MAP4K1: variants seen among roughly 807,000 people sequenced by gnomAD.
The protein encoded by MAP4K1 is mitogen-activated protein kinase kinase kinase kinase 1.
A neutral mutation model predicts 122.8 loss-of-function variants in MAP4K1; 35 were observed. That is an observed-to-expected ratio of 0.29 (90% CI 0.22 to 0.38). The LOEUF (loss-of-function observed/expected upper bound fraction) is 0.38, where lower values mean the gene tolerates loss of function less well. Among genes scored for constraint, MAP4K1 ranks in the 10% least tolerant of loss-of-function variants. MAP4K1 has a pLI of 1.00. For missense variants in MAP4K1, 791 were observed against 1,072.6 expected (o/e 0.74, Z 3.67); for synonymous variants, 412 against 421.3 (o/e 0.98, Z 0.27).
chr19:38,595,847 CA>C (rs774858347), intron 27 of MAP4K1, 91 bp downstream of exon 27: 352 of 1,526,698 alleles, frequency 2.3e-4, no homozygotes, highest in Non-Finnish European at 3.1e-4. Flanking sequence ...CAGAGGGGCT[CA>C]GGGGGTTCTG....
At chr19:38,589,829 A>G (rs1294237141) in intron 30 of MAP4K1, among the ~76,000 whole-genome samples, 1 of 152,170 alleles carries the variant, frequency 6.6e-6, no homozygotes, top group African/African-American at 2.4e-5. Context: ...CAGGAGTTCC[A>G]GACCAGGCTA....
At position 38,614,514 on chromosome 19, in the gene MAP4K1, C is replaced by T. The variant is rs1449109483; in HGVS notation, c.314-69G>A. The T allele has an allele frequency of 8.5e-6, 13 of 1,534,636 alleles. No homozygotes were observed. The Admixed American group carries it at 2.0e-4, about 24-fold the overall frequency. ...AGGGAACCTGGGCTGGGGAGTCCTG[C>T]CCCCCCACACCAGCTAAGAGGGTGC... On this transcript the variant is annotated intron_variant, in intron 4 of 30. Transcript: ENST00000396857.
Position 38,605,491 on chromosome 19 carries a change from T to C in MAP4K1, c.1364A>G (p.Glu455Gly), listed in dbSNP as rs1203442933. 8 of 1,584,108 alleles carry C rather than the reference T, an allele frequency of 5.1e-6. No individual in the cohort carries two copies. The highest frequency in any genetic ancestry group is 5.1e-6 in the Non-Finnish European group (6 of 1,166,872). The part of the protein sequence containing the change: ...TSSPHLTAHS[E>G]PSLWNPPSRE... The stretch of plus-strand genomic sequence containing the variant: ...GGAGGGTGGGTTCCAGAGTGAGGGT[T>C]CTGAGAGGGGTTAGGAGAAAATCAG... Residue 455 changes from glutamate (E) to glycine (G), a missense_variant and splice_region_variant, in exon 19 of 31, where the codon GAA (glutamate) becomes GGA (glycine). By Grantham distance (98) the Glu-to-Gly change is moderately conservative. Coordinates refer to ENST00000396857, the MANE Select transcript of MAP4K1 (RefSeq NM_001042600.3).
At chr19:38,601,303 CT>C (rs1975056403) in intron 20 of MAP4K1, 137 bp downstream of exon 20, 3 of 700,424 alleles carry the variant, frequency 4.3e-6, no homozygotes, top group South Asian at 3.7e-5. Flanking sequence ...AGCTCCGCCC[CT>C]GTTTCAGCCT....
intron 19 of MAP4K1, among the ~76,000 whole-genome samples, chr19:38,603,473 T>C (rs546929796): frequency 6.6e-5 from 10 of 152,030 alleles, no homozygotes; most frequent in African/African-American, 2.4e-4. Context: ...TGTATATGTA[T>C]ATATGTATGA....
chr19:38,601,678 A>T, intron 19 of MAP4K1, 153 bp from the exon 20 acceptor site: 2 of 572,502 alleles, frequency 3.5e-6, no homozygotes, highest in African/African-American at 2.0e-5. Flanking sequence ...CCTGTAATAC[A>T]CTTTTTCATA....
chr19:38,593,420 G>T, intron 29 of MAP4K1, 83 bp from the exon 30 acceptor site: 1 of 1,309,250 alleles, frequency 7.6e-7, no homozygotes, highest in Non-Finnish European at 1.1e-6. Context: ...AGACAGCAAG[G>T]AGCTGGGCAC....
At chr19:38,590,310 T>A (rs372497471) in intron 30 of MAP4K1, among the ~76,000 whole-genome samples, 122,455 of 122,456 alleles carry the variant, frequency 1, 61,227 homozygotes, top group Middle Eastern at 1. Flanking sequence ...AAGTTTTAAT[T>A]ATTTTTTCCG....
At chr19:38,596,171 T>C (rs940452605) in intron 26 of MAP4K1, 141 bp downstream of exon 26, 24 of 1,310,862 alleles carry the variant, frequency 1.8e-5, no homozygotes, top group Admixed American at 8.9e-5. Context: ...CCCAGTTAAC[T>C]AAAACCTGCC....
At chr19:38,593,156 T>C in intron 30 of MAP4K1, 126 bp downstream of exon 30, 1 of 803,362 alleles carries the variant, frequency 1.2e-6, no homozygotes, top group South Asian at 1.9e-5. Context: ...GGAGCAGGGA[T>C]GGAAGCAGGG....
chr19:38,611,701 G>A, intron 9 of MAP4K1, among the ~76,000 whole-genome samples: 1 of 152,280 alleles, frequency 6.6e-6, no homozygotes, highest in South Asian at 2.1e-4. Context: ...GATCATTTGA[G>A]CCCCGGCATT....
At chr19:38,603,013 CAT>C (rs767530968) in intron 19 of MAP4K1, among the ~76,000 whole-genome samples, 30 of 145,926 alleles carry the variant, frequency 2.1e-4, no homozygotes, top group East Asian at 4.3e-4. Flanking sequence ...TATATACACA[CAT>C]ATACATGTAT....
chr19:38,602,525 TATAC>T (rs1975104430), intron 19 of MAP4K1, among the ~76,000 whole-genome samples: 1 of 149,696 alleles, frequency 6.7e-6, no homozygotes, highest in South Asian at 2.1e-4. Flanking sequence ...TATATACGCA[TATAC>T]ATATATACAC....
chr19:38,589,638 C>T (rs1166301329), intron 30 of MAP4K1, among the ~76,000 whole-genome samples: 2 of 152,102 alleles, frequency 1.3e-5, no homozygotes, highest in African/African-American at 4.8e-5. Flanking sequence ...TGGTCTCAAA[C>T]TCCCGACCTC....
intron 4 of MAP4K1, 70 bp from the exon 5 acceptor site, chr19:38,614,515 C>A (rs1012667372): frequency 8.4e-6 from 13 of 1,544,636 alleles, no homozygotes; most frequent in Non-Finnish European, 1.2e-5. Context: ...GGAGTCCTGC[C>A]CCCCCACACC....
Position 38,601,422 on chromosome 19 carries a change from G to C in MAP4K1, c.1531+19C>G. ...CTCCCATTCCCTACAGGATCTCCTTGACCCTCCAGAATGCCCACCCTTGGT... is the reference window on the plus strand; with the variant it reads ...CTCCCATTCCCTACAGGATCTCCTTCACCCTCCAGAATGCCCACCCTTGGT... On this transcript the variant is annotated intron_variant, in intron 20 of 30. Coordinates refer to ENST00000396857, the MANE Select transcript of MAP4K1 (RefSeq NM_001042600.3). 6.3e-7 allele frequency: 1 copy of C among 1,593,356 alleles called. No homozygotes were observed. Among genetic ancestry groups the C allele is most frequent in the Non-Finnish European group, 8.6e-7 (1 of 1,168,646 alleles).
At chr19:38,599,831 G>GT (rs878981364) in intron 22 of MAP4K1, 94 bp downstream of exon 22, 70 of 1,224,516 alleles carry the variant, frequency 5.7e-5, no homozygotes, top group Non-Finnish European at 7.1e-5. Flanking sequence ...AGCAGTCTAA[G>GT]TTTTTTTTCA....
Position 38,617,270 on chromosome 19 carries a change from AG to A in MAP4K1, c.248+83del. The A allele has an allele frequency of 1.1e-6, 1 of 895,918 alleles. No homozygotes were observed. 55.5% of individuals were successfully genotyped at this position (895,918 alleles called of 1,614,324 possible). On this transcript the variant is annotated intron_variant, in intron 3 of 30. Transcript: ENST00000396857. This position sits in a 1 kb window ranked among gnomAD's most constrained non-coding sequence, Gnocchi z 4.1. ...AAAAAGAAAAAGAAAAGAAAAAAAA[AG>A]AACTGAGGGTACCCCCATCAAGAAA...
In MAP4K1 at chr19:38,601,485, AG is replaced by A; in HGVS notation, c.1486del (p.Leu496SerfsTer30). On this transcript the variant is annotated frameshift_variant, in exon 20 of 31. Coordinates refer to ENST00000396857, the MANE Select transcript of MAP4K1 (RefSeq NM_001042600.3). LOFTEE classifies it high-confidence loss of function. ...LLVKLFNGCP[L>X]RIHSTAAWTH... Reference sequence around the variant, plus strand: ...CCAGGCGGCCGTGCTGTGGATCCGGAGGGGGCAGCCATTGAACAACTTTACG... The same window carrying A: ...CCAGGCGGCCGTGCTGTGGATCCGGAGGGGCAGCCATTGAACAACTTTACG... 1 of 1,610,062 alleles carries A rather than the reference AG, an allele frequency of 6.2e-7. No homozygotes were observed. Among genetic ancestry groups the A allele is most frequent in the South Asian group, 1.1e-5 (1 of 90,190 alleles).
Sources: allele counts gnomAD v4.1 joint callset (sites outside exome capture counted in the v4.1 genomes callset), GRCh38; gene constraint gnomAD v4.1.1; non-coding constraint Gnocchi (gnomAD v3.1); transcripts MANE v1.5; gene names NCBI Gene and HGNC (gene_info 2026-07-23, HGNC 2026-07-21).